Variants in ERBB4 observed in about 807,000 individuals in gnomAD.
ERBB4 encodes erb-b2 receptor tyrosine kinase 4.
A neutral mutation model predicts 158.0 loss-of-function variants in ERBB4; 42 were observed. The observed-to-expected ratio is 0.27, with a 90% CI of 0.21 to 0.34. The LOEUF is 0.34. ERBB4 is among the 10% of genes least tolerant of loss of function. The pLI is 1.00. For missense variants in ERBB4, 1,333 were observed against 1,624.1 expected, an observed-to-expected ratio of 0.82 and a Z score of 3.08; for synonymous variants, 583 against 558.7, an observed-to-expected ratio of 1.04 and a Z score of -0.61.
intron 22 of ERBB4, among the ~76,000 whole-genome samples, chr2:211,425,323 T>C (rs3791710): frequency 0.19 from 28,246 of 151,988 alleles, 3,086 homozygotes; most frequent in South Asian, 0.4. Context: ...ATAACAGTTA[T>C]CATTGACTGA....
At chr2:211,578,669 T>G (rs1188336015) in intron 19 of ERBB4, among the ~76,000 whole-genome samples, 1 of 152,148 alleles carries the variant, frequency 6.6e-6, no homozygotes, top group African/African-American at 2.4e-5. Context: ...AGTCATCTGA[T>G]TTTTTAAACA....
chr2:212,060,299 G>T (rs1053137943), intron 2 of ERBB4, among the ~76,000 whole-genome samples: 2 of 152,078 alleles, frequency 1.3e-5, no homozygotes, highest in Admixed American at 1.3e-4. Flanking sequence ...TCATTAAAAA[G>T]TCAAGAAACA....
chr2:212,526,516 G>C (rs1245271426), intron 1 of ERBB4, among the ~76,000 whole-genome samples: 6 of 151,926 alleles, frequency 3.9e-5, no homozygotes, highest in Admixed American at 2.0e-4. Context: ...GTTTTTAAAG[G>C]TTTCAATATA....
chr2:211,872,719 A>T (rs1350519616), intron 3 of ERBB4, among the ~76,000 whole-genome samples: 2 of 152,094 alleles, frequency 1.3e-5, no homozygotes, highest in African/African-American at 4.8e-5. Context: ...CAGTTTTCCT[A>T]TTACAAATTT....
At chr2:212,146,285 C>T (rs1323386777) in intron 1 of ERBB4, among the ~76,000 whole-genome samples, 3 of 152,168 alleles carry the variant, frequency 2.0e-5, no homozygotes, top group Non-Finnish European at 4.4e-5. Context: ...TGCAAACTGC[C>T]TTGCTGGGAC....
Position 211,893,313 on chromosome 2 carries a change from G to A in ERBB4, c.421+54117C>T, listed in dbSNP as rs1423304176. Among the ~76,000 whole-genome samples the A allele has an allele frequency of 1.4e-5, 2 of 144,478 alleles. 1 individual carries two copies. The highest frequency in any genetic ancestry group is 3.0e-5 in the Non-Finnish European group (2 of 66,512). 94.8% of individuals were successfully genotyped at this position (144,478 alleles called of 152,430 possible). The stretch of plus-strand genomic sequence containing the variant: ...TGAGAAAAACAAGCAAGGGGGAAAG[G>A]ATTCCCTATTTAATAAATGGTGCTG... On this transcript the variant is annotated intron_variant, in intron 3 of 27. Coordinates refer to ENST00000342788, the MANE Select transcript of ERBB4 (RefSeq NM_005235.3).
rs114430607 is a variant in ERBB4 at position 211,479,515 on chromosome 2, T to C, written c.2488-48415A>G. The stretch of plus-strand genomic sequence containing the variant: ...GGTATCCATGTGTAAATTTTCTAAA[T>C]TATAGATCCACAGCACAAAGCATGG... On this transcript the variant is annotated intron_variant, in intron 20 of 27. Coordinates refer to ENST00000342788, the MANE Select transcript of ERBB4 (RefSeq NM_005235.3). Among the ~76,000 whole-genome samples the C allele has an allele frequency of 4.8e-3, 731 of 152,274 alleles. 7 individuals carry two copies. Among genetic ancestry groups the C allele is most frequent in the African/African-American group, 0.017 (695 of 41,560 alleles).
At chr2:212,347,410 T>A (rs376142992) in intron 1 of ERBB4, among the ~76,000 whole-genome samples, 32 of 152,252 alleles carry the variant, frequency 2.1e-4, no homozygotes, top group Middle Eastern at 6.8e-3. Context: ...AAAAGGGCAT[T>A]GGGAATCACT....
chr2:211,522,755 T>G (rs890976010), intron 20 of ERBB4, among the ~76,000 whole-genome samples: 14 of 152,126 alleles, frequency 9.2e-5, no homozygotes, highest in African/African-American at 3.1e-4. Context: ...ACGATCATTC[T>G]CTTTTTTTAG....
chr2:212,446,587 A>ATATG (rs1263837070), intron 1 of ERBB4, among the ~76,000 whole-genome samples: 1 of 20,856 alleles, frequency 4.8e-5, no homozygotes, highest in Non-Finnish European at 7.6e-5. Flanking sequence ...CCATATATAT[A>ATATG]TATGTATATA....
rs180735463 is a variant in ERBB4, at chr2:211,736,535, G to A, written c.623-11341C>T. Among the ~76,000 whole-genome samples, 75 of 152,226 alleles carry A rather than the reference G, an allele frequency of 4.9e-4. 2 individuals carry two copies. Among genetic ancestry groups the A allele is most frequent in the African/African-American group, 1.7e-3 (72 of 41,560 alleles). ...GTCAAATTAAGAAATTAGAGAAACC[G>A]ATCTCTGTGCTCTTCTTATATATGT... On this transcript the variant is annotated intron_variant, in intron 5 of 27. Transcript: ENST00000342788.
chr2:211,800,421 T>A (rs1473706973), intron 3 of ERBB4, among the ~76,000 whole-genome samples: 1 of 152,116 alleles, frequency 6.6e-6, no homozygotes, highest in Admixed American at 6.6e-5. Flanking sequence ...GCTTTTAAAT[T>A]TTTAGTCTGT....
intron 1 of ERBB4, among the ~76,000 whole-genome samples, chr2:212,309,587 G>C (rs762562369): frequency 6.0e-5 from 9 of 150,646 alleles, no homozygotes; most frequent in Non-Finnish European, 1.3e-4. Flanking sequence ...TCATTCCCTA[G>C]CATAGAAAGC....
At chr2:212,518,250 T>A (rs76499795) in intron 1 of ERBB4, among the ~76,000 whole-genome samples, 4 of 152,024 alleles carry the variant, frequency 2.6e-5, no homozygotes, top group Non-Finnish European at 1.5e-5. Context: ...ACATAGTTTG[T>A]ACATAGAAAA....
chr2:211,830,803 G>A (rs1439240), intron 3 of ERBB4, among the ~76,000 whole-genome samples: 32,719 of 151,794 alleles, frequency 0.22, 3,663 homozygotes, highest in South Asian at 0.33. Context: ...TTTCATCTAC[G>A]TGATCTTTTA....
intron 2 of ERBB4, among the ~76,000 whole-genome samples, chr2:212,004,474 C>T (rs539962619): frequency 8.5e-5 from 13 of 152,170 alleles, no homozygotes; most frequent in Admixed American, 2.0e-4. Context: ...AAAATCTTCT[C>T]ATCTCTGACT....
chr2:211,885,184 A>G (rs1437610278), intron 3 of ERBB4, among the ~76,000 whole-genome samples: 2 of 152,170 alleles, frequency 1.3e-5, no homozygotes, highest in Non-Finnish European at 2.9e-5. Context: ...ATAATCTTCC[A>G]AGGAAGCCCT....
intron 1 of ERBB4, among the ~76,000 whole-genome samples, chr2:212,335,010 T>C (rs2088360347): frequency 2.6e-5 from 4 of 152,086 alleles, no homozygotes; most frequent in East Asian, 3.9e-4. Flanking sequence ...TTAAAGAAAA[T>C]GCTGTCTTTT....
At chr2:212,195,750 C>T (rs1038507031) in intron 1 of ERBB4, among the ~76,000 whole-genome samples, 1 of 151,926 alleles carries the variant, frequency 6.6e-6, no homozygotes, top group African/African-American at 2.4e-5. Flanking sequence ...ATATTAAAAG[C>T]ATATTTCAAA....
Sources: allele counts gnomAD v4.1 joint callset (sites outside exome capture counted in the v4.1 genomes callset), GRCh38; gene constraint gnomAD v4.1.1; transcripts MANE v1.5; gene names NCBI Gene and HGNC (gene_info 2026-07-23, HGNC 2026-07-21).